Variants in MUSK observed in about 807,000 individuals in gnomAD.
The protein encoded by MUSK is muscle associated receptor tyrosine kinase, also known as muscle, skeletal receptor tyrosine-protein kinase.
Under a neutral mutation model 88.7 loss-of-function variants are expected in MUSK, and 55 were observed. The ratio of observed to expected loss-of-function variants is 0.62; its 90% CI spans 0.50 to 0.78. The LOEUF (loss-of-function observed/expected upper bound fraction) is 0.78. Ranked by LOEUF, MUSK falls within the 30% of genes least tolerant of loss-of-function variation. The probability of loss-of-function intolerance (pLI) is 0.00; values close to 1 mark genes in which losing one functional copy is unlikely to be tolerated. For missense variants in MUSK, 1,015 were observed against 1,074.3 expected (o/e 0.94, Z 0.77); for synonymous variants, 387 against 391.9 (o/e 0.99, Z 0.15).
At chr9:110,790,700 T>G (rs1027959957) in intron 14 of MUSK, among the ~76,000 whole-genome samples, 1 of 152,090 alleles carries the variant, frequency 6.6e-6, no homozygotes, top group Non-Finnish European at 1.5e-5. Context: ...AGTTGAAGAT[T>G]TGAGGAAAGA....
intron 11 of MUSK, among the ~76,000 whole-genome samples, chr9:110,778,408 T>C (rs1330791839): frequency 6.6e-6 from 1 of 152,126 alleles, no homozygotes; most frequent in Non-Finnish European, 1.5e-5. Flanking sequence ...AAAAGGTTAA[T>C]TTGTCTTAAT....
At chr9:110,669,642 A>G (rs1273967407) in intron 1 of MUSK, among the ~76,000 whole-genome samples, 2 of 152,152 alleles carry the variant, frequency 1.3e-5, no homozygotes, top group Admixed American at 6.6e-5. Flanking sequence ...AAGGAAAGCA[A>G]CTTAAGAAAC....
intron 5 of MUSK, among the ~76,000 whole-genome samples, chr9:110,724,103 T>A (rs960371602): frequency 1.3e-5 from 2 of 152,018 alleles, no homozygotes; most frequent in African/African-American, 4.8e-5. Context: ...CTTGTTATTA[T>A]CAATTTCTAG....
chr9:110,748,586 C>A (rs2077208164), intron 7 of MUSK, among the ~76,000 whole-genome samples: 1 of 152,080 alleles, frequency 6.6e-6, no homozygotes, highest in Non-Finnish European at 1.5e-5. Context: ...TCAGGAAATG[C>A]CAGGCATATT....
chr9:110,695,307 T>C (rs1165381672), intron 3 of MUSK, 96 bp from the exon 4 acceptor site: 26 of 902,894 alleles, frequency 2.9e-5, no homozygotes, highest in Non-Finnish European at 3.9e-5. Context: ...CAAATGATTC[T>C]CAAAACAGAT....
At chr9:110,752,328 A>G (rs1486213633) in intron 7 of MUSK, among the ~76,000 whole-genome samples, 2 of 152,192 alleles carry the variant, frequency 1.3e-5, no homozygotes, top group Non-Finnish European at 2.9e-5. Context: ...CTTCGATGAA[A>G]AAGGGATCCT....
rs931536219 is a variant in MUSK at position 110,776,714 on chromosome 9, G to A, written c.1384+59G>A. On this transcript the variant is annotated intron_variant, in intron 11 of 14. Coordinates refer to ENST00000374448, the MANE Select transcript of MUSK (RefSeq NM_005592.4). Reference sequence around the variant, plus strand: ...TGTGTATGTAATTGGATTCATGCATGTGTGTTTACACTTATATTTCCTGAT... The same window carrying A: ...TGTGTATGTAATTGGATTCATGCATATGTGTTTACACTTATATTTCCTGAT... 83 of 1,415,060 alleles carry A rather than the reference G, an allele frequency of 5.9e-5. No homozygotes were observed. In the Middle Eastern group the frequency reaches 7.2e-4, roughly 12 times the overall value. 87.7% of individuals were successfully genotyped at this position (1,415,060 alleles called of 1,614,324 possible).
rs115348443 is a variant in MUSK at position 110,677,140 on chromosome 9, T to A, written c.80-5534T>A. Among the ~76,000 whole-genome samples, 440 of 152,314 alleles carry A rather than the reference T, an allele frequency of 2.9e-3. 2 individuals are homozygous for A. The highest frequency in any genetic ancestry group is 9.4e-3 in the African/African-American group (392 of 41,576). ...CCTGTCTTTCTCCAATGTCCTACAT[T>A]TTTGCTTCTACTAGGTGCTTCCAGT... On this transcript the variant is annotated intron_variant, in intron 1 of 14. Coordinates refer to ENST00000374448, the MANE Select transcript of MUSK (RefSeq NM_005592.4).
At chr9:110,689,047 AAT>A (rs1358385860) in intron 3 of MUSK, among the ~76,000 whole-genome samples, 3 of 140,750 alleles carry the variant, frequency 2.1e-5, no homozygotes, top group Non-Finnish European at 4.6e-5. Flanking sequence ...TATATATTTA[AAT>A]ATATAAATAT....
intron 6 of MUSK, among the ~76,000 whole-genome samples, chr9:110,736,474 C>T (rs1424742049): frequency 2.6e-5 from 4 of 152,032 alleles, no homozygotes; most frequent in Non-Finnish European, 5.9e-5. Flanking sequence ...TAATGGTATA[C>T]ATGGCATGTC....
At chr9:110,754,598 T>G (rs1009970304) in intron 7 of MUSK, among the ~76,000 whole-genome samples, 3 of 152,248 alleles carry the variant, frequency 2.0e-5, no homozygotes, top group Admixed American at 2.0e-4. Context: ...TCCATGCTCC[T>G]TCCACATTAC....
At position 110,682,793 on chromosome 9, in the gene MUSK, C is replaced by A; in HGVS notation, c.199C>A (p.Leu67Ile). Residue 67 changes from leucine (L) to isoleucine (I), a missense_variant, in exon 2 of 15, where the codon CTC becomes ATC. By Grantham distance (5) the Leu-to-Ile change is conservative. Coordinates refer to ENST00000374448, the MANE Select transcript of MUSK (RefSeq NM_005592.4). ...PEISWTRNKI[L>I]IKLFDTRYSI... The stretch of plus-strand genomic sequence containing the variant: ...GATTTCCTGGACTAGAAATAAAATT[C>A]TCATTAAGTAAGTATTCCACATTTT... 1.9e-6 allele frequency: 3 copies of A among 1,611,534 alleles called. No homozygotes were observed. Among genetic ancestry groups the A allele is most frequent in the Non-Finnish European group, 2.5e-6 (3 of 1,178,422 alleles).
intron 5 of MUSK, among the ~76,000 whole-genome samples, chr9:110,702,970 A>C (rs1223993023): frequency 1.3e-5 from 2 of 152,010 alleles, no homozygotes; most frequent in African/African-American, 4.8e-5. Flanking sequence ...CACACACACA[A>C]AACATTGGTT....
At chr9:110,767,213 C>T (rs896094462) in intron 8 of MUSK, among the ~76,000 whole-genome samples, 1 of 152,194 alleles carries the variant, frequency 6.6e-6, no homozygotes. Flanking sequence ...GCTGAAGGTG[C>T]TACTTGGCTC....
intron 5 of MUSK, among the ~76,000 whole-genome samples, chr9:110,730,316 G>A (rs943110340): frequency 1.3e-5 from 2 of 152,022 alleles, no homozygotes; most frequent in African/African-American, 4.8e-5. Context: ...TACAGAAAGA[G>A]GGGTTTGATG....
At chr9:110,686,047 G>A (rs1385766226) in intron 2 of MUSK, among the ~76,000 whole-genome samples, 1 of 152,042 alleles carries the variant, frequency 6.6e-6, no homozygotes, top group Admixed American at 6.6e-5. Flanking sequence ...TTACAGTTCT[G>A]GAGTTCACAC....
chr9:110,770,749 C>CTT (rs148853048), intron 9 of MUSK, among the ~76,000 whole-genome samples: 5 of 149,904 alleles, frequency 3.3e-5, no homozygotes, highest in Non-Finnish European at 5.9e-5. Context: ...TTCTTTCTTA[C>CTT]TTTTTTTTAA....
chr9:110,701,652 AT>A (rs34680244), intron 5 of MUSK, among the ~76,000 whole-genome samples: 1,557 of 10,710 alleles, frequency 0.15, 521 homozygotes, highest in Non-Finnish European at 0.21. Context: ...GTGCTCAGCT[AT>A]TTATTTTATT....
intron 8 of MUSK, among the ~76,000 whole-genome samples, chr9:110,765,435 C>A (rs2077465648): frequency 6.6e-6 from 1 of 152,092 alleles, no homozygotes; most frequent in African/African-American, 2.4e-5. Flanking sequence ...GGATTAATTC[C>A]TTTCCTTCCC....
Sources: gnomAD v4.1 joint callset for allele counts (sites outside exome capture counted in the v4.1 genomes callset) on GRCh38, gnomAD v4.1.1 for gene constraint, MANE v1.5 for transcripts, NCBI Gene and HGNC (gene_info 2026-07-23, HGNC 2026-07-21) for gene names.